NYAP2: variants seen among roughly 807,000 people sequenced by gnomAD.
NYAP2 encodes the protein neuronal tyrosine-phosphorylated phosphoinositide-3-kinase adaptor 2.
Under a neutral mutation model 50.4 loss-of-function variants are expected in NYAP2, and 23 were observed. That is an observed-to-expected ratio of 0.46 (90% CI 0.33 to 0.65). The LOEUF is 0.65. NYAP2 is among the 30% of genes least tolerant of loss of function. The pLI is 0.02. For missense variants in NYAP2, 885 were observed against 861.0 expected, an observed-to-expected ratio of 1.03 and a Z score of -0.35; for synonymous variants, 394 against 365.2, an observed-to-expected ratio of 1.08 and a Z score of -0.90.
At chr2:225,476,146 G>A (rs956892791) in intron 3 of NYAP2, among the ~76,000 whole-genome samples, 1 of 152,200 alleles carries the variant, frequency 6.6e-6, no homozygotes, top group Non-Finnish European at 1.5e-5. Context: ...GGGTGTGGTG[G>A]CTCACGCCTG....
the NYAP2 span, among the ~76,000 whole-genome samples, chr2:225,685,307 A>G: frequency 6.6e-6 from 1 of 152,176 alleles, no homozygotes; most frequent in Non-Finnish European, 1.5e-5. Flanking sequence ...TTATAATGAA[A>G]TTAAACTTGA....
intron 2 of NYAP2, 75 bp from the exon 3 acceptor site, chr2:225,408,789 T>G: frequency 1.4e-6 from 1 of 730,462 alleles, no homozygotes; most frequent in Non-Finnish European, 2.4e-6. Context: ...GAGTTTTGAG[T>G]TGTTAGGGAT....
At chr2:225,693,393 T>C in the NYAP2 span, among the ~76,000 whole-genome samples, 4 of 152,048 alleles carry the variant, frequency 2.6e-5, no homozygotes, top group Non-Finnish European at 2.9e-5. Context: ...AAAGTGTCTC[T>C]GGTCTCATCA....
At chr2:225,691,846 G>C in the NYAP2 span, among the ~76,000 whole-genome samples, 560 of 152,170 alleles carry the variant, frequency 3.7e-3, 13 homozygotes, top group Admixed American at 0.027. Flanking sequence ...AGAACTTTGA[G>C]AACTCCAGCT....
At chr2:225,549,227 C>T (rs1273793345) in intron 4 of NYAP2, among the ~76,000 whole-genome samples, 1 of 152,148 alleles carries the variant, frequency 6.6e-6, no homozygotes, top group Non-Finnish European at 1.5e-5. Flanking sequence ...AAGAATGAGA[C>T]ACAAAACCTA....
chr2:225,622,674 G>C (rs1171799271), intron 5 of NYAP2, among the ~76,000 whole-genome samples: 1 of 150,878 alleles, frequency 6.6e-6, no homozygotes. Context: ...CCACCTCCCG[G>C]GTTCAAGCGA....
At chr2:225,475,180 TGGAA>T (rs1352485605) in intron 3 of NYAP2, among the ~76,000 whole-genome samples, 9 of 152,220 alleles carry the variant, frequency 5.9e-5, no homozygotes, top group African/African-American at 2.2e-4. Flanking sequence ...ATTTCCATTT[TGGAA>T]TATATCATCT....
At chr2:225,537,544 A>G (rs1336979933) in intron 4 of NYAP2, among the ~76,000 whole-genome samples, 1 of 152,152 alleles carries the variant, frequency 6.6e-6, no homozygotes, top group Admixed American at 6.5e-5. Flanking sequence ...CATGAGACTT[A>G]TTCACTATCA....
At chr2:225,626,204 A>AAAG (rs1378031555) in intron 5 of NYAP2, among the ~76,000 whole-genome samples, 2 of 152,210 alleles carry the variant, frequency 1.3e-5, no homozygotes, top group Non-Finnish European at 2.9e-5. Context: ...GTAAAGATAA[A>AAAG]AAGAATGGTC....
In NYAP2 at chr2:225,641,106, G is replaced by A. The variant is rs115141697; in HGVS notation, c.1829-10326G>A. On this transcript the variant is annotated intron_variant, in intron 6 of 6. Coordinates refer to ENST00000636099, the Ensembl canonical transcript of NYAP2. ...TTTGACTGTAGCATCAGTGACAGGT[G>A]TCTGTCACGGCAGGGCGGTGGTTCC... 7.2e-3 allele frequency among the ~76,000 whole-genome samples: 1,089 copies of A among 152,178 alleles called. 18 individuals carry two copies. Among genetic ancestry groups the A allele is most frequent in the African/African-American group, 0.025 (1,035 of 41,502 alleles).
At chr2:225,632,485 T>C (rs998270329) in intron 6 of NYAP2, among the ~76,000 whole-genome samples, 1 of 152,246 alleles carries the variant, frequency 6.6e-6, no homozygotes, top group Non-Finnish European at 1.5e-5. Flanking sequence ...CTTGAAATGG[T>C]TGTTCTTAAC....
At chr2:225,688,881 T>C in the NYAP2 span, among the ~76,000 whole-genome samples, 1 of 152,108 alleles carries the variant, frequency 6.6e-6, no homozygotes, top group Non-Finnish European at 1.5e-5. Flanking sequence ...TAGCCGGGAT[T>C]ACAGGTGTAC....
rs564246931 is a variant in NYAP2, at chr2:225,407,127, TA to T, written c.-17-1736del. Among the ~76,000 whole-genome samples the T allele has an allele frequency of 2.2e-4, 33 of 152,172 alleles. No homozygotes were observed. In the East Asian group the frequency reaches 6.2e-3, roughly 29 times the overall value. The stretch of plus-strand genomic sequence containing the variant: ...CTGATCTTTTTTATCCAGGCACTCC[TA>T]GTGCAAAAGTCCTTGGTAGAAGTGA... On this transcript the variant is annotated intron_variant, in intron 2 of 6. Coordinates refer to ENST00000636099, the Ensembl canonical transcript of NYAP2.
At chr2:225,426,642 C>G (rs906489036) in intron 3 of NYAP2, among the ~76,000 whole-genome samples, 3 of 152,124 alleles carry the variant, frequency 2.0e-5, no homozygotes, top group African/African-American at 7.2e-5. Flanking sequence ...TGCTTAAAGC[C>G]ATAAATCCCC....
intron 6 of NYAP2, among the ~76,000 whole-genome samples, chr2:225,627,913 A>C (rs1693237656): frequency 6.6e-6 from 1 of 152,226 alleles, no homozygotes; most frequent in Non-Finnish European, 1.5e-5. Flanking sequence ...AGAGTGTTAG[A>C]GCTCCAAAGA....
intron 3 of NYAP2, among the ~76,000 whole-genome samples, chr2:225,499,713 G>C (rs565140619): frequency 2.6e-5 from 4 of 152,172 alleles, no homozygotes; most frequent in Non-Finnish European, 4.4e-5. Context: ...AACCCCTTTT[G>C]AGACTTTGCC....
intron 3 of NYAP2, among the ~76,000 whole-genome samples, chr2:225,446,244 C>CTATATATA (rs1173353814): frequency 8.9e-6 from 1 of 112,178 alleles, no homozygotes; most frequent in African/African-American, 3.3e-5. Context: ...CTCTCTCTCT[C>CTATATATA]TCTATATATA....
chr2:225,617,551 T>C (rs1693010886), intron 5 of NYAP2, among the ~76,000 whole-genome samples: 1 of 152,238 alleles, frequency 6.6e-6, no homozygotes, highest in African/African-American at 2.4e-5. Context: ...GTTGAATCCT[T>C]TTAAATATTG....
At chr2:225,526,424 C>A (rs1691152845) in intron 4 of NYAP2, among the ~76,000 whole-genome samples, 1 of 152,192 alleles carries the variant, frequency 6.6e-6, no homozygotes, top group African/African-American at 2.4e-5. Context: ...ACAGCAGTGA[C>A]TTCCCAAATG....
Sources: allele counts gnomAD v4.1 joint callset (sites outside exome capture counted in the v4.1 genomes callset), GRCh38; gene constraint gnomAD v4.1.1; transcripts MANE v1.5; gene names NCBI Gene and HGNC (gene_info 2026-07-23, HGNC 2026-07-21).